The following BLTP1 variants were observed in gnomAD, a reference collection of about 807,000 sequenced individuals.
The protein encoded by BLTP1 is fragile site-associated protein.
the BLTP1 span, chr4:122,341,915 A>C: frequency 1.6e-6 from 1 of 639,146 alleles, no homozygotes; most frequent in Non-Finnish European, 1.9e-6. Flanking sequence ...CCAGGAGAGA[A>C]TACAAAATGC....
At chr4:122,339,382 CTT>C in the BLTP1 span, 1 of 1,612,270 alleles carries the variant, frequency 6.2e-7, no homozygotes, top group Non-Finnish European at 8.5e-7. Context: ...GGAACAAAGA[CTT>C]CTGCTAGCAA....
the BLTP1 span, among the ~76,000 whole-genome samples, chr4:122,186,632 T>C: frequency 3.9e-5 from 6 of 152,050 alleles, no homozygotes; most frequent in African/African-American, 1.4e-4. Flanking sequence ...TTGCTTTTTA[T>C]GTAGCAGTTT....
chr4:122,255,559 C>A, the BLTP1 span, among the ~76,000 whole-genome samples: 1 of 152,000 alleles, frequency 6.6e-6, no homozygotes, highest in African/African-American at 2.4e-5. Flanking sequence ...GGCAGGAGAA[C>A]TGGTTGAACC....
At chr4:122,197,959 T>G in the BLTP1 span, 1 of 984,340 alleles carries the variant, frequency 1.0e-6, no homozygotes, top group African/African-American at 1.7e-5. Flanking sequence ...TTTTCTTTCT[T>G]GAGAGTAAAG....
chr4:122,178,692 A>G, the BLTP1 span, among the ~76,000 whole-genome samples: 1 of 152,186 alleles, frequency 6.6e-6, no homozygotes, highest in Non-Finnish European at 1.5e-5. Context: ...TTCAGCTTTT[A>G]TTCCATTATT....
At chr4:122,229,316 C>CA in the BLTP1 span, 1 of 1,212,024 alleles carries the variant, frequency 8.3e-7, no homozygotes, top group African/African-American at 1.6e-5. Context: ...AAATAAAACA[C>CA]ACATTTATAG....
the BLTP1 span, chr4:122,328,794 A>G: frequency 2.1e-6 from 2 of 975,250 alleles, no homozygotes; most frequent in African/African-American, 1.8e-5. Flanking sequence ...AAGAAATAAC[A>G]TGAAATGGTG....
chr4:122,249,557 A>G, the BLTP1 span: 1 of 1,613,736 alleles, frequency 6.2e-7, no homozygotes, highest in Non-Finnish European at 8.5e-7. Context: ...GAAGAGTTGG[A>G]TGAATTTACT....
At chr4:122,274,471 A>T in the BLTP1 span, 4 of 1,571,764 alleles carry the variant, frequency 2.5e-6, no homozygotes, top group Non-Finnish European at 1.7e-6. Context: ...TTACACTTAT[A>T]GTTTTAGACA....
the BLTP1 span, chr4:122,316,481 A>G: frequency 2.0e-6 from 1 of 506,226 alleles, no homozygotes; most frequent in Non-Finnish European, 4.0e-6. Flanking sequence ...TGTGACCCAG[A>G]GATGTGGGGC....
chr4:122,234,678 ATTAAC>A, the BLTP1 span: 16 of 1,279,390 alleles, frequency 1.3e-5, no homozygotes, highest in East Asian at 7.7e-5. Flanking sequence ...AATATTTACA[ATTAAC>A]TTATATTTAA....
chr4:122,221,722 T>A, the BLTP1 span: 4 of 835,998 alleles, frequency 4.8e-6, no homozygotes, highest in African/African-American at 7.4e-5. Flanking sequence ...GTCATTAGAA[T>A]CGGTTGTTTT....
At chr4:122,239,827 TG>T in the BLTP1 span, 1 of 1,614,186 alleles carries the variant, frequency 6.2e-7, no homozygotes, top group Non-Finnish European at 8.5e-7. Flanking sequence ...TATCGATCAA[TG>T]GATTCCAGCA....
the BLTP1 span, chr4:122,334,477 C>T: frequency 1.2e-5 from 20 of 1,612,882 alleles, no homozygotes; most frequent in Non-Finnish European, 1.7e-5. Flanking sequence ...CCTTCTCCTC[C>T]TTTACCTTCC....
chr4:122,351,503 TG>T, the BLTP1 span, among the ~76,000 whole-genome samples: 1 of 152,230 alleles, frequency 6.6e-6, no homozygotes, highest in Non-Finnish European at 1.5e-5. Context: ...TCCTCTATAA[TG>T]GTTTTGTCCA....
the BLTP1 span, chr4:122,154,929 A>T: frequency 1.1e-6 from 1 of 952,298 alleles, no homozygotes; most frequent in East Asian, 1.2e-4. Context: ...TGTTTTTCAT[A>T]GAATATTGTG....
At chr4:122,324,375 A>G in the BLTP1 span, 1 of 1,548,026 alleles carries the variant, frequency 6.5e-7, no homozygotes, top group Non-Finnish European at 8.8e-7. Flanking sequence ...TTGAAGTCAA[A>G]TACAGTAAAT....
chr4:122,296,150 A>G, the BLTP1 span, among the ~76,000 whole-genome samples: 11 of 152,232 alleles, frequency 7.2e-5, no homozygotes, highest in African/African-American at 2.7e-4. Flanking sequence ...CTTTGTTTGC[A>G]GATGATAGGA....
the BLTP1 span, among the ~76,000 whole-genome samples, chr4:122,155,692 G>C: frequency 6.6e-6 from 1 of 152,162 alleles, no homozygotes; most frequent in East Asian, 1.9e-4. Context: ...TGGGAGCTTA[G>C]CAAAATTAAT....
Sources: gnomAD v4.1 joint callset for allele counts (sites outside exome capture counted in the v4.1 genomes callset) on GRCh38, gnomAD v4.1.1 for gene constraint, MANE v1.5 for transcripts, NCBI Gene and HGNC (gene_info 2026-07-23, HGNC 2026-07-21) for gene names.